Variants in ARMCX4 observed in about 807,000 individuals in gnomAD.
ARMCX4 encodes armadillo repeat containing X-linked 4, also known as armadillo repeat-containing X-linked protein 4.
ARMCX4 carries 3 observed loss-of-function variants against 34.7 expected under a neutral mutation model. The ratio of observed to expected loss-of-function variants is 0.09; its 90% CI spans 0.04 to 0.22. The LOEUF (loss-of-function observed/expected upper bound fraction) is 0.22, where lower values mean the gene tolerates loss of function less well. ARMCX4 is among the 10% of genes least tolerant of loss of function. The probability of loss-of-function intolerance (pLI) is 1.00; values close to 1 mark genes in which losing one functional copy is unlikely to be tolerated. For synonymous variants in ARMCX4, 513 were observed against 632.8 expected, an observed-to-expected ratio of 0.81 and a Z score of 2.84; for missense variants, 1,448 against 1,720.8, an observed-to-expected ratio of 0.84 and a Z score of 2.81.
intron 2 of ARMCX4, among the ~76,000 whole-genome samples, chrX:101,433,603 T>C (rs1241401782): frequency 8.9e-6 from 1 of 111,855 alleles, no homozygotes; most frequent in African/African-American, 3.3e-5. Flanking sequence ...TGGGTTGTTG[T>C]GGTGATTAAA....
chrX:101,535,379 C>T (rs1332402464), downstream of ARMCX4, among the ~76,000 whole-genome samples: 4 of 111,675 alleles, frequency 3.6e-5, no homozygotes, highest in Non-Finnish European at 5.7e-5. Flanking sequence ...ATTCCAAAAT[C>T]TGAGAACTAA....
chrX:101,429,256 A>G (rs1380840770), intron 2 of ARMCX4, among the ~76,000 whole-genome samples: 1 of 110,043 alleles, frequency 9.1e-6, no homozygotes, highest in Admixed American at 9.8e-5. Flanking sequence ...TGATCCTGAT[A>G]CAATGACTTA....
intron 4 of ARMCX4, among the ~76,000 whole-genome samples, chrX:101,471,845 C>T (rs1932922145): frequency 9.0e-6 from 1 of 111,118 alleles, no homozygotes; most frequent in Non-Finnish European, 1.9e-5. Context: ...GATAAAACCA[C>T]AAAGGTGGGG....
chrX:101,435,878 C>T (rs1365017364), intron 2 of ARMCX4, among the ~76,000 whole-genome samples: 1 of 110,749 alleles, frequency 9.0e-6, no homozygotes, highest in Non-Finnish European at 1.9e-5. Context: ...CCAGTTTTCC[C>T]AGCACCATTT....
At chrX:101,461,141 C>T (rs781976317) in intron 4 of ARMCX4, among the ~76,000 whole-genome samples, 3 of 112,143 alleles carry the variant, frequency 2.7e-5, no homozygotes, top group Admixed American at 9.5e-5. Flanking sequence ...ATTAAGTACT[C>T]TCACATTGTT....
intron 2 of ARMCX4, among the ~76,000 whole-genome samples, chrX:101,431,938 CTTTATAAATT>C (rs1388720400): frequency 8.9e-6 from 1 of 111,977 alleles, no homozygotes; most frequent in Admixed American, 9.6e-5. Flanking sequence ...ACAGTGTTTT[CTTTATAAATT>C]TATGAAAGTA....
chrX:101,490,968 G>A lies in ARMCX4; in HGVS notation c.2379G>A (p.Val793=). 1 of 1,155,842 alleles carries A rather than the reference G, an allele frequency of 8.7e-7. No individual in the cohort carries two copies. Residue 793 remains valine, a synonymous_variant, in exon 6 of 6, where the codon GTG becomes GTA. Transcript: ENST00000423738. ...GATGSVQPQA[V]ANSHCETLPG... is the part of the protein sequence containing the mutation. ...CAGGCTCTGTCCAGCCCCAGGCTGT[G>A]GCTAATTCCCATTGTGAGACCTTGC...
chrX:101,456,386 T>C (rs150437072), intron 4 of ARMCX4, among the ~76,000 whole-genome samples: 1,793 of 111,759 alleles, frequency 0.016, 16 homozygotes, highest in Middle Eastern at 0.051. Context: ...TGGTATTTTA[T>C]TGTGGTTTTC....
chrX:101,469,438 T>G (rs1214185155), intron 4 of ARMCX4, among the ~76,000 whole-genome samples: 1 of 111,732 alleles, frequency 8.9e-6, no homozygotes, highest in Non-Finnish European at 1.9e-5. Flanking sequence ...GTGAAACATA[T>G]GTACCATTTG....
intron 2 of ARMCX4, among the ~76,000 whole-genome samples, chrX:101,435,501 G>T (rs1877585470): frequency 9.0e-6 from 1 of 111,308 alleles, no homozygotes; most frequent in African/African-American, 3.3e-5. Context: ...TTTTTTTCTT[G>T]TAAACTTGTT....
intron 11 of ARMCX4, among the ~76,000 whole-genome samples, chrX:101,530,482 A>G (rs935352822): frequency 7.2e-5 from 8 of 111,834 alleles, no homozygotes; most frequent in African/African-American, 2.3e-4. Context: ...TTAAAGTATA[A>G]TAAAAAAATA....
intron 10 of ARMCX4, among the ~76,000 whole-genome samples, chrX:101,510,565 A>G (rs1259879107): frequency 9.0e-6 from 1 of 111,463 alleles, no homozygotes; most frequent in Non-Finnish European, 1.9e-5. Context: ...TTATTACAGA[A>G]TACTATTCTC....
exon 12 of ARMCX4, chrX:101,531,836 A>G (rs782105242): frequency 4.5e-5 from 5 of 111,826 alleles, no homozygotes; most frequent in Non-Finnish European, 7.5e-5. Context: ...GACACCTTTC[A>G]TCATCATGAA....
chrX:101,504,224 G>T (rs369153282), intron 7 of ARMCX4, among the ~76,000 whole-genome samples: 1 of 111,509 alleles, frequency 9.0e-6, no homozygotes, highest in Admixed American at 9.5e-5. Context: ...GTAGCCTGAT[G>T]CCTCCAGCTT....
At chrX:101,465,673 A>G (rs1932781643) in intron 4 of ARMCX4, among the ~76,000 whole-genome samples, 3 of 111,952 alleles carry the variant, frequency 2.7e-5, no homozygotes, top group South Asian at 7.3e-4. Flanking sequence ...AGACTAACAA[A>G]TATTTGAATT....
chrX:101,498,327 T>C, downstream of ARMCX4: 1 of 267,732 alleles, frequency 3.7e-6, no homozygotes, highest in South Asian at 3.7e-5. Context: ...ACTCCATCAT[T>C]GGTGGTAGGT....
rs781805745 is a variant in ARMCX4, at chrX:101,489,335, A to G, written c.746A>G (p.Gln249Arg). 2.9e-5 allele frequency: 33 copies of G among 1,153,216 alleles called. No individual in the cohort carries two copies. The highest frequency in any genetic ancestry group is 3.6e-5 in the Non-Finnish European group (31 of 871,841). ...LEETVSVAKT[Q>R]SEARPGATVD... ...GAGACTGTGAGTGTGGCTAAGACTC[A>G]GTCTGAGGCCAGGCCTGGTGCCACA... The change falls in exon 6 of 6, where the codon CAG becomes CGG. Residue 249 changes from glutamine to arginine, a missense_variant. By Grantham distance (43) the Gln-to-Arg change is conservative (BLOSUM62 1). This residue lies in a region of ARMCX4 where 1,343 missense variants were observed against 1,540.7 expected (regional missense o/e 0.87). Transcript: ENST00000423738.
chrX:101,529,897 T>G (rs1269056346), intron 11 of ARMCX4, among the ~76,000 whole-genome samples: 1 of 111,938 alleles, frequency 8.9e-6, no homozygotes, highest in African/African-American at 3.2e-5. Context: ...GAGTGTAAAC[T>G]AGTTCAACCA....
Position 101,488,533 on chromosome X carries a change from C to A in ARMCX4, c.-57C>A. On this transcript the variant is annotated 5_prime_UTR_variant, in exon 6 of 6. Transcript: ENST00000423738. ...ACACCCACAACTACCACTCTCTTTA[C>A]CCCAGCCCGAGTGCGCTCTACCATA... 8.7e-7 allele frequency: 1 copy of A among 1,155,098 alleles called. No individual in the cohort carries two copies. The highest frequency in any genetic ancestry group is 1.1e-6 in the Non-Finnish European group (1 of 872,502).
Sources: allele counts gnomAD v4.1 joint callset (sites outside exome capture counted in the v4.1 genomes callset), GRCh38; gene constraint gnomAD v4.1.1; regional missense constraint gnomAD v4.1.1; transcripts MANE v1.5; gene names NCBI Gene and HGNC (gene_info 2026-07-23, HGNC 2026-07-21).